PPP1R14C: variants seen among roughly 807,000 people sequenced by gnomAD.
The protein encoded by PPP1R14C is protein phosphatase 1 regulatory inhibitor subunit 14C.
A neutral mutation model predicts 20.4 loss-of-function variants in PPP1R14C; 16 were observed. The observed-to-expected ratio is 0.78, with a 90% CI of 0.53 to 1.19. The LOEUF (loss-of-function observed/expected upper bound fraction) is 1.19, where lower values mean the gene tolerates loss of function less well. Among genes scored for constraint, PPP1R14C ranks in the 50% most tolerant of loss-of-function variants. PPP1R14C has a pLI of 0.00. For synonymous variants in PPP1R14C, 91 were observed against 91.0 expected (o/e 1.00, Z 0.00); for missense variants, 211 against 220.1 (o/e 0.96, Z 0.26).
chr6:150,198,991 AG>A (rs935381606), intron 1 of PPP1R14C, among the ~76,000 whole-genome samples: 1 of 148,774 alleles, frequency 6.7e-6, no homozygotes, highest in African/African-American at 2.4e-5. Context: ...CAGAAGTGGT[AG>A]GCTTCTTCTT....
At chr6:150,184,980 A>G (rs1166272533) in intron 1 of PPP1R14C, among the ~76,000 whole-genome samples, 2 of 152,176 alleles carry the variant, frequency 1.3e-5, no homozygotes, top group East Asian at 1.9e-4. Flanking sequence ...TCACTCCCTC[A>G]TGCCCATGGT....
At chr6:150,147,282 C>T (rs993975129) in intron 1 of PPP1R14C, among the ~76,000 whole-genome samples, 2 of 151,446 alleles carry the variant, frequency 1.3e-5, no homozygotes, top group African/African-American at 4.9e-5. Context: ...TGGGTTCAAA[C>T]GATTCTCCTG....
intron 1 of PPP1R14C, among the ~76,000 whole-genome samples, chr6:150,178,083 G>A (rs747590849): frequency 3.3e-5 from 5 of 152,184 alleles, no homozygotes; most frequent in African/African-American, 1.2e-4. Flanking sequence ...CTGGAGCCGC[G>A]GCTGGCCCTC....
In PPP1R14C at chr6:150,185,071, C is replaced by G. The variant is rs1777662279; in HGVS notation, c.307-29673C>G. ...TCACATTTAGTTACAGGTCTTTCCCCCTTTTAATTTCCGGCTGTTATTAAC... is the reference window on the plus strand; with the variant it reads ...TCACATTTAGTTACAGGTCTTTCCCGCTTTTAATTTCCGGCTGTTATTAAC... On this transcript the variant is annotated intron_variant, in intron 1 of 3. Transcript: ENST00000361131. The surrounding 1 kb of genome is among the most constrained non-coding windows in gnomAD (Gnocchi z 4.1). Among the ~76,000 whole-genome samples, 1 of 152,146 alleles carries G rather than the reference C, an allele frequency of 6.6e-6. No individual in the cohort carries two copies. Among genetic ancestry groups the G allele is most frequent in the Admixed American group, 6.5e-5 (1 of 15,280 alleles).
At position 150,249,036 on chromosome 6, in the gene PPP1R14C, A is replaced by G. The variant is rs1268471148; in HGVS notation, c.*216A>G. ...GTTTTTGTTAATGTAATATTTTAAT[A>G]GCAAAGATATCATGACTCTAGCCAC... On this transcript the variant is annotated 3_prime_UTR_variant, in exon 4 of 4. Coordinates refer to ENST00000361131, the MANE Select transcript of PPP1R14C (RefSeq NM_030949.3). 5 of 478,738 alleles carry G rather than the reference A, an allele frequency of 1.0e-5. No individual in the cohort carries two copies. Among genetic ancestry groups the G allele is most frequent in the Middle Eastern group, 5.3e-4 (1 of 1,896 alleles). The allele number at this position is 478,738 out of a possible 1,614,324, so 29.7% of individuals were successfully genotyped here.
chr6:150,192,842 C>T (rs1168385252), intron 1 of PPP1R14C, among the ~76,000 whole-genome samples: 1 of 152,076 alleles, frequency 6.6e-6, no homozygotes, highest in Non-Finnish European at 1.5e-5. Context: ...GGCTTCTTGC[C>T]CTCTCTGTTT....
At chr6:150,183,209 T>C (rs529772781) in intron 1 of PPP1R14C, among the ~76,000 whole-genome samples, 1 of 152,004 alleles carries the variant, frequency 6.6e-6, no homozygotes, top group Admixed American at 6.5e-5. Flanking sequence ...TAGTGAGTTA[T>C]CTCGGACTGT....
chr6:150,242,283 G>C (rs1342283271), intron 3 of PPP1R14C, among the ~76,000 whole-genome samples: 11 of 82,336 alleles, frequency 1.3e-4, no homozygotes, highest in Admixed American at 1.2e-3. Context: ...CTATGAAGCT[G>C]GCAATACCCT....
intron 1 of PPP1R14C, among the ~76,000 whole-genome samples, chr6:150,189,047 C>T (rs1057438932): frequency 4.6e-5 from 7 of 151,680 alleles, no homozygotes; most frequent in African/African-American, 1.7e-4. Context: ...TTAGTAGAGA[C>T]AGGATTTTGC....
intron 1 of PPP1R14C, among the ~76,000 whole-genome samples, chr6:150,183,689 T>G (rs1041832541): frequency 5.3e-5 from 8 of 152,092 alleles, no homozygotes; most frequent in African/African-American, 1.9e-4. Context: ...TTTTTTGTAT[T>G]TTTAGTAGAG....
chr6:150,152,586 C>G (rs1262961292), intron 1 of PPP1R14C, among the ~76,000 whole-genome samples: 1 of 152,124 alleles, frequency 6.6e-6, no homozygotes, highest in Non-Finnish European at 1.5e-5. Context: ...CCTCCACCCC[C>G]TCCCCTGCCC....
intron 3 of PPP1R14C, among the ~76,000 whole-genome samples, chr6:150,217,088 A>C (rs1411689895): frequency 6.6e-6 from 1 of 152,208 alleles, no homozygotes; most frequent in Non-Finnish European, 1.5e-5. Context: ...TGCTTGTGTT[A>C]GATAAAAGCC....
intron 1 of PPP1R14C, among the ~76,000 whole-genome samples, chr6:150,208,779 C>A (rs1407806777): frequency 2.0e-5 from 3 of 152,066 alleles, no homozygotes; most frequent in Non-Finnish European, 4.4e-5. Flanking sequence ...TTAGCCACAA[C>A]AATTAACATA....
At chr6:150,207,940 G>A (rs1405722985) in intron 1 of PPP1R14C, among the ~76,000 whole-genome samples, 5 of 152,026 alleles carry the variant, frequency 3.3e-5, no homozygotes, top group South Asian at 2.1e-4. Context: ...TGGTGACAGC[G>A]TTCATCCCGT....
intron 1 of PPP1R14C, among the ~76,000 whole-genome samples, chr6:150,178,255 C>T (rs1777584697): frequency 6.6e-6 from 1 of 152,188 alleles, no homozygotes; most frequent in South Asian, 2.1e-4. Flanking sequence ...TAGGTCTGGA[C>T]CTAGGGGTCC....
intron 1 of PPP1R14C, among the ~76,000 whole-genome samples, chr6:150,194,257 T>G (rs1777777989): frequency 1.3e-5 from 2 of 152,196 alleles, no homozygotes; most frequent in South Asian, 2.1e-4. Flanking sequence ...GTTTTCTTAT[T>G]TTGTTTTTTT....
chr6:150,199,214 G>C (rs575662013), intron 1 of PPP1R14C, among the ~76,000 whole-genome samples: 196 of 152,204 alleles, frequency 1.3e-3, no homozygotes, highest in Middle Eastern at 6.8e-3. Context: ...TCTGGGGCAG[G>C]TATTTTATGA....
At position 150,248,923 on chromosome 6, in the gene PPP1R14C, TTTTG is replaced by T; in HGVS notation, c.*107_*110del. 3 of 616,946 alleles carry T rather than the reference TTTTG, an allele frequency of 4.9e-6. No homozygotes were observed. The highest frequency in any genetic ancestry group is 2.9e-5 in the South Asian group (1 of 34,604). 38.2% of individuals were successfully genotyped at this position (616,946 alleles called of 1,614,324 possible). A position where few individuals can be genotyped will look rare whatever the true frequency, so the allele number is the denominator to read the frequency against. On this transcript the variant is annotated 3_prime_UTR_variant, in exon 4 of 4. Coordinates refer to ENST00000361131, the MANE Select transcript of PPP1R14C (RefSeq NM_030949.3). ...GAATAGGTGTCCTTATGAACAACGT[TTTTG>T]TTTTTTTTTTTTTCTTTTTTGGTGT...
At chr6:150,189,839 G>C (rs1777721900) in intron 1 of PPP1R14C, among the ~76,000 whole-genome samples, 1 of 152,092 alleles carries the variant, frequency 6.6e-6, no homozygotes, top group Non-Finnish European at 1.5e-5. Flanking sequence ...TTGGAATCTT[G>C]ACCCTGAGTA....
Sources: gnomAD v4.1 joint callset for allele counts (sites outside exome capture counted in the v4.1 genomes callset) on GRCh38, gnomAD v4.1.1 for gene constraint, Gnocchi (gnomAD v3.1) non-coding constraint, MANE v1.5 for transcripts, NCBI Gene and HGNC (gene_info 2026-07-23, HGNC 2026-07-21) for gene names.